Variants in PPRC1 observed in about 807,000 individuals in gnomAD.
PPRC1 encodes peroxisome proliferator-activated receptor gamma coactivator-related protein 1.
Under a neutral mutation model 132.5 loss-of-function variants are expected in PPRC1, and 23 were observed. The ratio of observed to expected loss-of-function variants is 0.17; its 90% CI spans 0.12 to 0.25. The LOEUF (loss-of-function observed/expected upper bound fraction) is 0.25, where lower values mean the gene tolerates loss of function less well. Ranked by LOEUF, PPRC1 falls within the 10% of genes least tolerant of loss-of-function variation. PPRC1 has a pLI of 1.00. For missense variants in PPRC1, 2,006 were observed against 2,089.1 expected, an observed-to-expected ratio of 0.96 and a Z score of 0.78; for synonymous variants, 872 against 833.5, an observed-to-expected ratio of 1.05 and a Z score of -0.80.
chr10:102,136,108 G>C (rs1295930500), intron 1 of PPRC1, among the ~76,000 whole-genome samples: 1 of 152,172 alleles, frequency 6.6e-6, no homozygotes, highest in Non-Finnish European at 1.5e-5. Flanking sequence ...CAGCCTCTTG[G>C]CTCACCCTGG....
chr10:102,134,188 C>G (rs1339233113), intron 1 of PPRC1, among the ~76,000 whole-genome samples: 1 of 152,060 alleles, frequency 6.6e-6, no homozygotes, highest in Non-Finnish European at 1.5e-5. Context: ...GAAAGGGAAT[C>G]CTCTCCTCAC....
chr10:102,144,940 C>T, intron 7 of PPRC1, 80 bp from the exon 8 acceptor site: 1 of 1,143,850 alleles, frequency 8.7e-7, no homozygotes, highest in South Asian at 1.3e-5. Flanking sequence ...CCACCCCCTC[C>T]CATTGATTTC....
chr10:102,147,501 G>T (rs777199566), intron 9 of PPRC1, 109 bp downstream of exon 9: 3 of 1,378,110 alleles, frequency 2.2e-6, no homozygotes, highest in African/African-American at 1.4e-5. Context: ...AGGCGCTAAG[G>T]CTTCTATTTC....
chr10:102,148,986 T>C lies in PPRC1; in HGVS notation c.4739+48T>C. 1 of 1,600,890 alleles carries C rather than the reference T, an allele frequency of 6.2e-7. No individual in the cohort carries two copies. On this transcript the variant is annotated intron_variant, in intron 12 of 13. Coordinates refer to ENST00000278070, the MANE Select transcript of PPRC1 (RefSeq NM_015062.5). The surrounding 1 kb of genome is among the most constrained non-coding windows in gnomAD (Gnocchi z 4.2). The stretch of plus-strand genomic sequence containing the variant: ...GGATGTTCTTTCTATCCCATTCATC[T>C]ACCTTGGTGTTTCTTTGTCTTGCCT...
rs929027213 is a variant in PPRC1, at chr10:102,139,125, C to A, written c.617C>A (p.Ser206Tyr). The change falls in exon 5 of 14, where the codon TCT (serine) becomes TAT (tyrosine). Residue 206 changes from serine (S) to tyrosine (Y), a missense_variant. Ser to Tyr is a moderately radical substitution (Grantham distance 144, BLOSUM62 -2). Around this residue, in one of 2 missense-constraint regions of PPRC1, gnomAD observed 1,914 missense variants for 1,917.2 expected, o/e 1.00. Coordinates refer to ENST00000278070, the MANE Select transcript of PPRC1 (RefSeq NM_015062.5). ...SGVEMSLPDP[S>Y]WDFSPPSFLE... ...GTTGAAATGTCTCTTCCAGATCCCT[C>A]TTGGGACTTCTCCCCACCCTCTTTC... 6.2e-7 allele frequency: 1 copy of A among 1,610,802 alleles called. No homozygotes were observed. The highest frequency in any genetic ancestry group is 2.2e-5 in the East Asian group (1 of 44,858).
chr10:102,121,521 C>A, the PPRC1 span, among the ~76,000 whole-genome samples: 1 of 152,100 alleles, frequency 6.6e-6, no homozygotes, highest in Non-Finnish European at 1.5e-5. Flanking sequence ...ACTCCCCAAC[C>A]CAGCCCTAGG....
intron 13 of PPRC1, 83 bp downstream of exon 13, chr10:102,149,412 G>A: frequency 7.1e-7 from 1 of 1,417,284 alleles, no homozygotes; most frequent in Non-Finnish European, 9.3e-7. Context: ...GTGGGGCTAG[G>A]CAGACTTACC....
At chr10:102,143,726 G>T (rs2069099689) in intron 6 of PPRC1, among the ~76,000 whole-genome samples, 1 of 152,146 alleles carries the variant, frequency 6.6e-6, no homozygotes, top group African/African-American at 2.4e-5. Flanking sequence ...AATATGTGTG[G>T]CAACTAAAGG....
upstream of PPRC1, among the ~76,000 whole-genome samples, chr10:102,129,883 C>T (rs2068515438): frequency 1.3e-5 from 2 of 152,156 alleles, 1 homozygote; most frequent in African/African-American, 4.8e-5. Context: ...TAATTACAGG[C>T]GTGAGCCACT....
intron 1 of PPRC1, 53 bp from the exon 2 acceptor site, chr10:102,137,797 T>C (rs2068779202): frequency 6.5e-7 from 1 of 1,541,836 alleles, no homozygotes; most frequent in South Asian, 1.2e-5. Context: ...TGGAGCATAT[T>C]ATCAGCTGCT....
chr10:102,137,774 G>A (rs1409856092), intron 1 of PPRC1, 76 bp from the exon 2 acceptor site: 3 of 1,414,114 alleles, frequency 2.1e-6, no homozygotes, highest in Admixed American at 2.1e-5. Context: ...AGCAGTGGAG[G>A]GTACCTGATT....
chr10:102,120,431 G>A, the PPRC1 span: 1 of 979,868 alleles, frequency 1.0e-6, no homozygotes, highest in Non-Finnish European at 1.2e-6. Context: ...CGCCGTCGCC[G>A]AGCGCCCCCC....
chr10:102,128,947 TGAG>T (rs2068502414), upstream of PPRC1, among the ~76,000 whole-genome samples: 1 of 123,516 alleles, frequency 8.1e-6, no homozygotes, highest in East Asian at 2.2e-4. Flanking sequence ...TTTTTTTTTT[TGAG>T]ACGGAGTCTC....
chr10:102,144,242 C>A lies in PPRC1; in HGVS notation c.3551-8C>A. The A allele has an allele frequency of 6.2e-7, 1 of 1,614,144 alleles. No homozygotes were observed. Among genetic ancestry groups the A allele is most frequent in the Non-Finnish European group, 8.5e-7 (1 of 1,179,980 alleles). On this transcript the variant is annotated splice_region_variant and splice_polypyrimidine_tract_variant and intron_variant, in intron 6 of 13. Transcript: ENST00000278070. ...GTTGGGCTTTTAACTAGTATGGTTT[C>A]TTTGCAGCCAAAAAGGAGTGTCCTC...
intron 8 of PPRC1, 60 bp downstream of exon 8, chr10:102,145,150 C>A: frequency 2.0e-6 from 3 of 1,469,690 alleles, no homozygotes; most frequent in Non-Finnish European, 1.9e-6. Flanking sequence ...CTTGCTGAGC[C>A]TACTCCAAAT....
rs200070584 is a variant in PPRC1, at chr10:102,147,237, A to G, written c.4245A>G (p.Ser1415=). 1.9e-6 allele frequency: 3 copies of G among 1,613,244 alleles called. No individual in the cohort carries two copies. Among genetic ancestry groups the G allele is most frequent in the Non-Finnish European group, 8.5e-7 (1 of 1,180,024 alleles). The change falls in exon 9 of 14, where the codon TCA becomes TCG. Residue 1415 remains serine (S), a synonymous_variant. Coordinates refer to ENST00000278070, the MANE Select transcript of PPRC1 (RefSeq NM_015062.5). ...YRKACRSASP[S]SQGWQGRRGR... ...AAGCCTGCAGGTCAGCCAGCCCCTC[A>G]AGCCAGGGCTGGCAGGGCCGCCGAG...
upstream of PPRC1, among the ~76,000 whole-genome samples, chr10:102,128,249 G>A (rs2068492401): frequency 6.6e-6 from 1 of 151,402 alleles, no homozygotes; most frequent in South Asian, 2.1e-4. Context: ...AAGCGATTCT[G>A]CTGCCTCAGC....
At chr10:102,127,681 C>T in the PPRC1 span, among the ~76,000 whole-genome samples, 2 of 152,090 alleles carry the variant, frequency 1.3e-5, no homozygotes, top group Non-Finnish European at 2.9e-5. Flanking sequence ...GCTGGGATTA[C>T]AGGCGAGAGT....
rs1369948286 is a variant in PPRC1, at chr10:102,148,988, C to T, written c.4739+50C>T. ...ATGTTCTTTCTATCCCATTCATCTA[C>T]CTTGGTGTTTCTTTGTCTTGCCTCC... On this transcript the variant is annotated intron_variant, in intron 12 of 13. Coordinates refer to ENST00000278070, the MANE Select transcript of PPRC1 (RefSeq NM_015062.5). The surrounding 1 kb of genome is among the most constrained non-coding windows in gnomAD (Gnocchi z 4.2). The T allele has an allele frequency of 6.2e-7, 1 of 1,600,320 alleles. No homozygotes were observed. Among genetic ancestry groups the T allele is most frequent in the East Asian group, 2.2e-5 (1 of 44,718 alleles).
Sources: gnomAD v4.1 joint callset for allele counts (sites outside exome capture counted in the v4.1 genomes callset) on GRCh38, gnomAD v4.1.1 for gene constraint, gnomAD v4.1.1 regional missense constraint, Gnocchi (gnomAD v3.1) non-coding constraint, MANE v1.5 for transcripts, NCBI Gene and HGNC (gene_info 2026-07-23, HGNC 2026-07-21) for gene names.